KDM7A: variants seen among roughly 807,000 people sequenced by gnomAD.
The protein encoded by KDM7A is lysine demethylase 7A, also known as lysine-specific demethylase 7A.
In KDM7A, 28 loss-of-function variants were observed where a neutral mutation model predicts 114.8. That is an observed-to-expected ratio of 0.24 (90% CI 0.18 to 0.33). The LOEUF (loss-of-function observed/expected upper bound fraction) is 0.33. KDM7A is among the 10% of genes least tolerant of loss of function. The pLI is 1.00. For missense variants in KDM7A, 942 were observed against 1,142.5 expected, an observed-to-expected ratio of 0.82 and a Z score of 2.53; for synonymous variants, 423 against 397.8, an observed-to-expected ratio of 1.06 and a Z score of -0.75.
In KDM7A at chr7:140,112,418, T is replaced by A. The variant is rs545131108; in HGVS notation, c.1338+1073A>T. On this transcript the variant is annotated intron_variant, in intron 10 of 19. Transcript: ENST00000397560. Reference sequence around the variant, plus strand: ...TGAGGTCAGGAGCTCAAGACCAGCCTGGCCAACATGGCGAAACCTCATTTC... The same window carrying A: ...TGAGGTCAGGAGCTCAAGACCAGCCAGGCCAACATGGCGAAACCTCATTTC... Among the ~76,000 whole-genome samples the A allele has an allele frequency of 1.4e-3, 207 of 152,276 alleles. 1 individual carries two copies. The highest frequency in any genetic ancestry group is 2.6e-3 in the Non-Finnish European group (175 of 68,006).
At position 140,091,960 on chromosome 7, in the gene KDM7A, T is replaced by C. The variant is rs753526679; in HGVS notation, c.2575A>G (p.Met859Val). Residue 859 changes from methionine (M) to valine (V), a missense_variant, in exon 19 of 20, where the codon ATG (methionine) becomes GTG (valine). This residue lies in a region of KDM7A where 512 missense variants were observed against 576.6 expected (regional missense o/e 0.89). Transcript: ENST00000397560. Reference protein sequence around the residue: ...SGSSLQNGKYMQNSNLTSGAC... With the variant: ...SGSSLQNGKYVQNSNLTSGAC... ...CCCGAAGTCAGGTTTGAATTCTGCA[T>C]ATACTTTCCATTCTGAAGGCTTGAG... 4 of 1,614,102 alleles carry C rather than the reference T, an allele frequency of 2.5e-6. No individual in the cohort carries two copies. Among genetic ancestry groups the C allele is most frequent in the Admixed American group, 1.7e-5 (1 of 60,012 alleles).
chr7:140,130,880 G>A (rs1818774208), intron 3 of KDM7A, among the ~76,000 whole-genome samples: 1 of 125,040 alleles, frequency 8.0e-6, no homozygotes. Context: ...TTGAGACAGA[G>A]TCTTGCTCTG....
chr7:140,164,812 T>C (rs1017076865), intron 1 of KDM7A, among the ~76,000 whole-genome samples: 5 of 152,186 alleles, frequency 3.3e-5, no homozygotes, highest in Non-Finnish European at 7.4e-5. Context: ...GGTGTAGTAA[T>C]GAAACTGGCA....
chr7:140,156,364 T>C (rs990256658), intron 1 of KDM7A, among the ~76,000 whole-genome samples: 1 of 152,242 alleles, frequency 6.6e-6, no homozygotes, highest in Non-Finnish European at 1.5e-5. Context: ...AAATCTGTTA[T>C]CAATGAAATC....
At position 140,100,667 on chromosome 7, in the gene KDM7A, T is replaced by TATATATATACAC. The variant is rs1562945836; in HGVS notation, c.1639-645_1639-644insGTGTATATATAT. On this transcript the variant is annotated intron_variant, in intron 12 of 19. Coordinates refer to ENST00000397560, the MANE Select transcript of KDM7A (RefSeq NM_030647.2). Reference sequence around the variant, plus strand: ...TTAAAATATTTTAAAAAGTTATATATATATATATATATACATATATACATA... The same window carrying TATATATATACAC: ...TTAAAATATTTTAAAAAGTTATATATATATATATACACATATATATATATACATATATACATA... Among the ~76,000 whole-genome samples the TATATATATACAC allele has an allele frequency of 1.2e-4, 5 of 43,288 alleles. No individual in the cohort carries two copies. The South Asian group carries it at 2.7e-3, about 24-fold the overall frequency. 28.4% of individuals were successfully genotyped at this position (43,288 alleles called of 152,430 possible). A position where few individuals can be genotyped will look rare whatever the true frequency, so the allele number is the denominator to read the frequency against.
intron 1 of KDM7A, among the ~76,000 whole-genome samples, chr7:140,161,872 A>T (rs1794523378): frequency 6.6e-6 from 1 of 152,152 alleles, no homozygotes; most frequent in South Asian, 2.1e-4. Context: ...GGGATACTGT[A>T]TATATCAAAA....
chr7:140,131,242 C>T (rs1310019497), intron 3 of KDM7A, among the ~76,000 whole-genome samples: 1 of 152,160 alleles, frequency 6.6e-6, no homozygotes, highest in Non-Finnish European at 1.5e-5. Context: ...TGATGATCAA[C>T]ACGTTACAGG....
intron 9 of KDM7A, among the ~76,000 whole-genome samples, chr7:140,117,720 G>A (rs981317370): frequency 6.6e-6 from 1 of 152,166 alleles, no homozygotes; most frequent in Admixed American, 6.5e-5. Context: ...AAACTCTATT[G>A]TCCAGTATTT....
chr7:140,107,320 T>G (rs556420109), intron 11 of KDM7A, among the ~76,000 whole-genome samples: 11 of 152,316 alleles, frequency 7.2e-5, no homozygotes, highest in African/African-American at 2.6e-4. Flanking sequence ...CATTATGATG[T>G]TAGCTGCTTA....
At chr7:140,119,746 T>C (rs548354720) in intron 8 of KDM7A, among the ~76,000 whole-genome samples, 1 of 152,318 alleles carries the variant, frequency 6.6e-6, no homozygotes, top group Non-Finnish European at 1.5e-5. Flanking sequence ...CCTTATGCCC[T>C]GTAAAAGCCA....
intron 7 of KDM7A, among the ~76,000 whole-genome samples, chr7:140,123,672 T>C (rs1432504949): frequency 2.0e-5 from 3 of 152,170 alleles, no homozygotes; most frequent in African/African-American, 7.2e-5. Flanking sequence ...TTTGGAGCAT[T>C]TCAGATTTTG....
At chr7:140,144,992 C>T (rs1318478342) in intron 1 of KDM7A, among the ~76,000 whole-genome samples, 3 of 152,180 alleles carry the variant, frequency 2.0e-5, no homozygotes, top group Non-Finnish European at 4.4e-5. Context: ...GGAGCAGATG[C>T]TGGCACCACG....
chr7:140,100,350 C>T (rs1818180421), intron 12 of KDM7A, among the ~76,000 whole-genome samples: 1 of 152,124 alleles, frequency 6.6e-6, no homozygotes, highest in African/African-American at 2.4e-5. Flanking sequence ...TATTTTAGCT[C>T]TCTTCCCCTT....
intron 1 of KDM7A, among the ~76,000 whole-genome samples, chr7:140,159,539 T>C (rs1248317690): frequency 6.6e-6 from 1 of 152,156 alleles, no homozygotes; most frequent in Non-Finnish European, 1.5e-5. Flanking sequence ...GACTTAGCAG[T>C]TGCCTTTTCG....
At chr7:140,128,307 T>C (rs1818737388) in intron 4 of KDM7A, among the ~76,000 whole-genome samples, 1 of 152,184 alleles carries the variant, frequency 6.6e-6, no homozygotes, top group African/African-American at 2.4e-5. Flanking sequence ...AAGGTAGAAT[T>C]CAAAATATGG....
Position 140,138,477 on chromosome 7 carries a change from A to C in KDM7A, c.280+628T>G, listed in dbSNP as rs1300066244. On this transcript the variant is annotated intron_variant, in intron 2 of 19. Coordinates refer to ENST00000397560, the MANE Select transcript of KDM7A (RefSeq NM_030647.2). The stretch of plus-strand genomic sequence containing the variant: ...GTGTGATGTTGGTCCACTCCAAAAG[A>C]TGCCTGAGGCTTCCCTGGCTTTGCT... 4.6e-5 allele frequency among the ~76,000 whole-genome samples: 7 copies of C among 152,152 alleles called. No individual in the cohort carries two copies. The South Asian group carries it at 1.2e-3, about 27-fold the overall frequency.
intron 4 of KDM7A, among the ~76,000 whole-genome samples, chr7:140,128,780 A>T (rs1818744995): frequency 6.6e-6 from 1 of 152,232 alleles, no homozygotes; most frequent in African/African-American, 2.4e-5. Flanking sequence ...ATAGATTTGG[A>T]ATCTAATCTC....
At chr7:140,126,867 TA>T (rs755316805) in intron 5 of KDM7A, 44 bp from the exon 6 acceptor site, 2 of 1,396,880 alleles carry the variant, frequency 1.4e-6, no homozygotes, top group Non-Finnish European at 2.0e-6. Context: ...TCATGCAAAT[TA>T]AAAATTCTTA....
chr7:140,161,427 T>C (rs1794517064), intron 1 of KDM7A, among the ~76,000 whole-genome samples: 1 of 152,264 alleles, frequency 6.6e-6, no homozygotes, highest in African/African-American at 2.4e-5. Context: ...TTTCATGTTC[T>C]GACCTTTGTT....
Sources: gnomAD v4.1 joint callset for allele counts (sites outside exome capture counted in the v4.1 genomes callset) on GRCh38, gnomAD v4.1.1 for gene constraint, gnomAD v4.1.1 regional missense constraint, MANE v1.5 for transcripts, NCBI Gene and HGNC (gene_info 2026-07-23, HGNC 2026-07-21) for gene names.